Variants in KIF14 observed in about 807,000 individuals in gnomAD.
KIF14 encodes the protein kinesin family member 14.
A neutral mutation model predicts 176.2 loss-of-function variants in KIF14; 98 were observed. The ratio of observed to expected loss-of-function variants is 0.56; its 90% CI spans 0.47 to 0.66. The LOEUF (loss-of-function observed/expected upper bound fraction) is 0.66. Ranked by LOEUF, KIF14 falls within the 30% of genes least tolerant of loss-of-function variation. The pLI is 0.00. For synonymous variants in KIF14, 566 were observed against 632.2 expected (o/e 0.90, Z 1.57); for missense variants, 1,751 against 1,920.4 (o/e 0.91, Z 1.65).
chr1:200,566,735 TG>T (rs1657478322), intron 23 of KIF14, among the ~76,000 whole-genome samples: 1 of 151,942 alleles, frequency 6.6e-6, no homozygotes, highest in Non-Finnish European at 1.5e-5. Flanking sequence ...CCACAGTAGG[TG>T]GGACAACAAG....
At chr1:200,620,252 T>C (rs1660616723) in intron 1 of KIF14, among the ~76,000 whole-genome samples, 159 bp downstream of exon 1, 1 of 152,260 alleles carries the variant, frequency 6.6e-6, no homozygotes, top group Non-Finnish European at 1.5e-5. Flanking sequence ...ATTTGCGATT[T>C]GCACAAATCA....
At chr1:200,573,561 C>T (rs111502808) in intron 22 of KIF14, among the ~76,000 whole-genome samples, 12,881 of 151,714 alleles carry the variant, frequency 0.085, 589 homozygotes, top group Non-Finnish European at 0.096. Context: ...CTCAGCCTCC[C>T]GAGTAGCTGG....
At chr1:200,619,750 T>C (rs982642373) in intron 1 of KIF14, among the ~76,000 whole-genome samples, 4 of 152,310 alleles carry the variant, frequency 2.6e-5, no homozygotes, top group African/African-American at 9.6e-5. Context: ...GTACGATAAG[T>C]ACTGTAAATT....
At chr1:200,612,881 C>CT (rs58120760) in intron 4 of KIF14, among the ~76,000 whole-genome samples, 3,117 of 78,840 alleles carry the variant, frequency 0.04, 155 homozygotes, top group African/African-American at 0.098. Context: ...AGTTTATTCT[C>CT]TTTTTTTTTT....
intron 16 of KIF14, among the ~76,000 whole-genome samples, chr1:200,590,740 C>T (rs1238980716): frequency 6.6e-6 from 1 of 152,108 alleles, no homozygotes; most frequent in African/African-American, 2.4e-5. Flanking sequence ...CGTGAAGGCA[C>T]TAGGGTGGGC....
chr1:200,581,584 T>C (rs1571504425), intron 19 of KIF14, among the ~76,000 whole-genome samples: 1 of 152,064 alleles, frequency 6.6e-6, no homozygotes, highest in South Asian at 2.1e-4. Flanking sequence ...TTTTTTCTAA[T>C]GTCTTTTTTC....
chr1:200,599,308 T>A (rs967195461), intron 13 of KIF14, among the ~76,000 whole-genome samples: 2 of 152,230 alleles, frequency 1.3e-5, no homozygotes, highest in African/African-American at 4.8e-5. Flanking sequence ...TGATCTCATA[T>A]AAACTGCTTC....
intron 6 of KIF14, 74 bp from the exon 7 acceptor site, chr1:200,605,968 T>A (rs1312987636): frequency 1.3e-6 from 1 of 785,848 alleles, no homozygotes; most frequent in Non-Finnish European, 2.0e-6. Context: ...AACAATAACA[T>A]TTCAATTACA....
Position 200,553,708 on chromosome 1 carries a change from T to C in KIF14, c.4627A>G (p.Ser1543Gly). 6.2e-7 allele frequency: 1 copy of C among 1,612,398 alleles called. No homozygotes were observed. The highest frequency in any genetic ancestry group is 8.5e-7 in the Non-Finnish European group (1 of 1,178,698). ...ACACTGAAGTCACTGTAAAAATCAC[T>C]GGCCAAGTTGCGAATACTTTCAACA... ...TCVESIRNLASDFYSDFSVPS... is the reference protein window; with the variant it reads ...TCVESIRNLAGDFYSDFSVPS... Residue 1543 changes from serine (S) to glycine (G), a missense_variant, in exon 30 of 30, where the codon AGT becomes GGT. Coordinates refer to ENST00000367350, the MANE Select transcript of KIF14 (RefSeq NM_014875.3).
At chr1:200,571,167 T>C (rs1480568566) in intron 22 of KIF14, among the ~76,000 whole-genome samples, 1 of 152,136 alleles carries the variant, frequency 6.6e-6, no homozygotes, top group Non-Finnish European at 1.5e-5. Flanking sequence ...CCCCAATTTC[T>C]AGCCGGGCGT....
chr1:200,592,355 C>T, intron 15 of KIF14, 115 bp from the exon 16 acceptor site: 1 of 758,810 alleles, frequency 1.3e-6, no homozygotes. Context: ...TAAACATAAA[C>T]ATCATAGCAA....
Position 200,581,215 on chromosome 1 carries a change from GTA to G in KIF14, c.3319_3320del (p.Tyr1107LeufsTer7). On this transcript the variant is annotated frameshift_variant, in exon 20 of 30. Transcript: ENST00000367350. LOFTEE classifies it high-confidence loss of function. ...TAATTACTCACCTGCCAAAAACATA[GTA>G]TGTTTTCAATTTGCTGCTGATAGCA... ...ANAISSKLKT[Y>X]YVFGRHDISD... 1 of 1,576,772 alleles carries G rather than the reference GTA, an allele frequency of 6.3e-7. No homozygotes were observed. The highest frequency in any genetic ancestry group is 1.1e-5 in the South Asian group (1 of 87,874).
At chr1:200,561,567 A>G (rs1657160437) in intron 25 of KIF14, among the ~76,000 whole-genome samples, 2 of 32,522 alleles carry the variant, frequency 6.1e-5, no homozygotes, top group Non-Finnish European at 8.6e-5. Flanking sequence ...AAAGAGAAGA[A>G]AAAAAAAAAA....
chr1:200,586,790 CATAT>C (rs10610890), intron 18 of KIF14, among the ~76,000 whole-genome samples: 272 of 128,304 alleles, frequency 2.1e-3, no homozygotes, highest in African/African-American at 5.0e-3. Flanking sequence ...TATATACATA[CATAT>C]ATATATATAT....
At chr1:200,595,019 C>T (rs1659257001) in intron 14 of KIF14, among the ~76,000 whole-genome samples, 1 of 152,112 alleles carries the variant, frequency 6.6e-6, no homozygotes, top group Admixed American at 6.6e-5. Flanking sequence ...AACCACCAAC[C>T]TCCCTCATCT....
chr1:200,600,016 A>G, intron 13 of KIF14, 34 bp downstream of exon 13: 1 of 1,261,148 alleles, frequency 7.9e-7, no homozygotes, highest in Non-Finnish European at 1.1e-6. Context: ...TATTTCTTTT[A>G]TTTTCTAATC....
intron 19 of KIF14, among the ~76,000 whole-genome samples, chr1:200,584,433 T>G (rs1019126599): frequency 2.0e-5 from 3 of 152,110 alleles, no homozygotes; most frequent in African/African-American, 7.2e-5. Context: ...ATATCCCTGA[T>G]GAACATAGAT....
In KIF14 at chr1:200,559,461, A is replaced by G. The variant is rs768154251; in HGVS notation, c.4231-9T>C. 2.0e-6 allele frequency: 3 copies of G among 1,463,766 alleles called. No individual in the cohort carries two copies. The highest frequency in any genetic ancestry group is 2.7e-6 in the Non-Finnish European group (3 of 1,104,240). The allele number at this position is 1,463,766 out of a possible 1,614,324, so 90.7% of individuals were successfully genotyped here. ...GCATCCATGAATTCCTCCTAGAAAA[A>G]GAATTTAAGCATTAACTAGAAAATT... On this transcript the variant is annotated splice_polypyrimidine_tract_variant and intron_variant, in intron 26 of 29. Transcript: ENST00000367350.
Position 200,586,158 on chromosome 1 carries a change from C to A in KIF14, c.3184G>T (p.Ala1062Ser), listed in dbSNP as rs1658725905. The A allele has an allele frequency of 1.9e-6, 3 of 1,601,754 alleles. No homozygotes were observed. Among genetic ancestry groups the A allele is most frequent in the African/African-American group, 2.7e-5 (2 of 74,668 alleles). The change falls in exon 19 of 30, where the codon GCT (alanine) becomes TCT (serine). Residue 1062 changes from alanine to serine, a missense_variant. Transcript: ENST00000367350. ...EALETEKQKI[A>S]KEVQILQQNR... ...TGCTGTAGAATTTGTACTTCTTTAGCAATTTTTTGCTTTTCAGTTTCTAAA... is the reference window on the plus strand; with the variant it reads ...TGCTGTAGAATTTGTACTTCTTTAGAAATTTTTTGCTTTTCAGTTTCTAAA...
Sources: gnomAD v4.1 joint callset for allele counts (sites outside exome capture counted in the v4.1 genomes callset) on GRCh38, gnomAD v4.1.1 for gene constraint, MANE v1.5 for transcripts, NCBI Gene and HGNC (gene_info 2026-07-23, HGNC 2026-07-21) for gene names.